CTNNA3: variants seen among roughly 807,000 people sequenced by gnomAD.
CTNNA3 encodes catenin alpha 3.
CTNNA3 carries 76 observed loss-of-function variants against 95.7 expected under a neutral mutation model. That is an observed-to-expected ratio of 0.79 (90% confidence interval 0.66 to 0.96). The LOEUF is 0.96. Among genes scored for constraint, CTNNA3 ranks in the 40% least tolerant of loss-of-function variants. The pLI is 0.00. For missense variants in CTNNA3, 1,191 were observed against 1,089.8 expected (o/e 1.09, Z -1.31); for synonymous variants, 431 against 374.4 (o/e 1.15, Z -1.74).
chr10:67,051,194 T>C (rs1487885668), intron 7 of CTNNA3, among the ~76,000 whole-genome samples: 1 of 152,228 alleles, frequency 6.6e-6, no homozygotes, highest in Non-Finnish European at 1.5e-5. Context: ...TGAATTATTA[T>C]TCCTCTAGTT....
chr10:66,617,558 T>A (rs1844567776), intron 10 of CTNNA3, among the ~76,000 whole-genome samples: 1 of 152,060 alleles, frequency 6.6e-6, no homozygotes, highest in Non-Finnish European at 1.5e-5. Context: ...ATGGGACGTA[T>A]CTCAAAATAA....
At chr10:66,061,479 G>A (rs1409350410) in intron 15 of CTNNA3, among the ~76,000 whole-genome samples, 2 of 152,000 alleles carry the variant, frequency 1.3e-5, no homozygotes, top group South Asian at 4.1e-4. Context: ...CTCTGCTACA[G>A]TGCCACGCAT....
chr10:65,989,376 TC>T (rs918910453), intron 15 of CTNNA3, among the ~76,000 whole-genome samples: 1 of 152,124 alleles, frequency 6.6e-6, no homozygotes, highest in African/African-American at 2.4e-5. Flanking sequence ...TGATCTTCAT[TC>T]CCAGGTGTTT....
chr10:67,174,382 C>G (rs1476248179), intron 7 of CTNNA3, among the ~76,000 whole-genome samples: 1 of 152,116 alleles, frequency 6.6e-6, no homozygotes, highest in Non-Finnish European at 1.5e-5. Flanking sequence ...CCAATGAGCA[C>G]TGCACAAGCT....
chr10:66,517,962 G>T (rs1840922677), intron 11 of CTNNA3, among the ~76,000 whole-genome samples: 1 of 152,034 alleles, frequency 6.6e-6, no homozygotes, highest in Non-Finnish European at 1.5e-5. Flanking sequence ...CTCCTGTACG[G>T]ACAATTCTAA....
At chr10:66,764,481 C>T (rs1159718035) in intron 9 of CTNNA3, among the ~76,000 whole-genome samples, 1 of 152,154 alleles carries the variant, frequency 6.6e-6, no homozygotes, top group Non-Finnish European at 1.5e-5. Flanking sequence ...CCAAGAGGAG[C>T]TATAGATAGT....
intron 7 of CTNNA3, among the ~76,000 whole-genome samples, chr10:67,052,248 C>A (rs1245201764): frequency 6.6e-6 from 1 of 151,866 alleles, no homozygotes; most frequent in African/African-American, 2.4e-5. Flanking sequence ...AAAGCACTGC[C>A]TCTTCCTACT....
intron 13 of CTNNA3, among the ~76,000 whole-genome samples, chr10:66,145,253 C>T (rs1371560457): frequency 6.6e-6 from 1 of 152,154 alleles, no homozygotes; most frequent in Non-Finnish European, 1.5e-5. Context: ...ACAGCTCTAG[C>T]ACATGGCTTT....
chr10:67,726,859 T>C (rs1374213331), intron 1 of CTNNA3, among the ~76,000 whole-genome samples: 2 of 114,068 alleles, frequency 1.8e-5, no homozygotes, highest in African/African-American at 7.2e-5. Flanking sequence ...AATTATACAT[T>C]ATATATAATT....
At chr10:66,335,706 G>A (rs755608487) in intron 12 of CTNNA3, among the ~76,000 whole-genome samples, 100 of 152,204 alleles carry the variant, frequency 6.6e-4, no homozygotes, top group South Asian at 6.2e-4. Context: ...TAGTCTGTCC[G>A]TTCTCAGATC....
intron 10 of CTNNA3, among the ~76,000 whole-genome samples, chr10:66,534,009 A>G (rs1047590827): frequency 6.6e-6 from 1 of 152,164 alleles, no homozygotes; most frequent in East Asian, 1.9e-4. Context: ...ATTCAACAGC[A>G]AAGTGTTCAT....
In CTNNA3 at chr10:67,462,776, G is replaced by T. The variant is rs1847430412; in HGVS notation, c.579+59066C>A. Among the ~76,000 whole-genome samples, 6 of 152,298 alleles carry T rather than the reference G, an allele frequency of 3.9e-5. No homozygotes were observed. The South Asian group carries it at 1.2e-3, about 32-fold the overall frequency. ...TTATTATACCTGTGTTCAAATCCTAGCTTTGCTAATTGCCAGCTGTTGACC... is the reference window on the plus strand; with the variant it reads ...TTATTATACCTGTGTTCAAATCCTATCTTTGCTAATTGCCAGCTGTTGACC... On this transcript the variant is annotated intron_variant, in intron 5 of 17. Transcript: ENST00000433211.
At chr10:67,361,368 T>C (rs1476346722) in intron 5 of CTNNA3, among the ~76,000 whole-genome samples, 3 of 152,178 alleles carry the variant, frequency 2.0e-5, no homozygotes, top group Non-Finnish European at 4.4e-5. Context: ...ACTGATCACA[T>C]GCTCAGCCAT....
At chr10:66,983,043 T>C (rs1271635662) in intron 7 of CTNNA3, among the ~76,000 whole-genome samples, 8 of 152,252 alleles carry the variant, frequency 5.3e-5, no homozygotes, top group Non-Finnish European at 8.8e-5. Flanking sequence ...GAGCAGCGAC[T>C]GCCGAACTTC....
chr10:67,268,676 A>T (rs59407216), intron 5 of CTNNA3, among the ~76,000 whole-genome samples: 1 of 152,350 alleles, frequency 6.6e-6, no homozygotes, highest in East Asian at 1.9e-4. Context: ...CACAATGCAC[A>T]TCTCAGAGGC....
chr10:66,094,097 G>C (rs975152354), intron 14 of CTNNA3, among the ~76,000 whole-genome samples: 1 of 152,102 alleles, frequency 6.6e-6, no homozygotes, highest in African/African-American at 2.4e-5. Flanking sequence ...AACTATCTCA[G>C]ACTTGCGTAT....
intron 10 of CTNNA3, among the ~76,000 whole-genome samples, chr10:66,583,307 T>C (rs1843253640): frequency 6.6e-6 from 1 of 150,678 alleles, no homozygotes; most frequent in African/African-American, 2.4e-5. Flanking sequence ...TTTTTGTTGT[T>C]GTTGTTGTTG....
At chr10:65,933,733 TC>T (rs2133153063) in intron 17 of CTNNA3, among the ~76,000 whole-genome samples, 1 of 152,288 alleles carries the variant, frequency 6.6e-6, no homozygotes, top group East Asian at 1.9e-4. Flanking sequence ...AGTTTTCAAT[TC>T]ATTTTCATTC....
chr10:66,430,601 C>T (rs2093285777), intron 11 of CTNNA3, among the ~76,000 whole-genome samples: 2 of 152,118 alleles, frequency 1.3e-5, no homozygotes, highest in Admixed American at 1.3e-4. Context: ...TAATACCACA[C>T]ATCTACAACT....
Sources: gnomAD v4.1 joint callset for allele counts (sites outside exome capture counted in the v4.1 genomes callset) on GRCh38, gnomAD v4.1.1 for gene constraint, MANE v1.5 for transcripts, NCBI Gene and HGNC (gene_info 2026-07-23, HGNC 2026-07-21) for gene names.